KCNG4: variants seen among roughly 807,000 people sequenced by gnomAD.
KCNG4 encodes the protein potassium voltage-gated channel modifier subfamily G member 4, also known as voltage-gated potassium channel regulatory subunit KCNG4.
Under a neutral mutation model 28.2 loss-of-function variants are expected in KCNG4, and 30 were observed. The observed-to-expected ratio is 1.06, with a 90% CI of 0.80 to 1.44. The LOEUF is 1.44. Ranked by LOEUF, KCNG4 falls within the 40% of genes most tolerant of loss-of-function variation. KCNG4 has a pLI of 0.00. For missense variants in KCNG4, 879 were observed against 712.3 expected (o/e 1.23, Z -2.66); for synonymous variants, 375 against 315.5 (o/e 1.19, Z -2.00).
At chr16:84,229,547 G>A (rs1176070846) in intron 2 of KCNG4, among the ~76,000 whole-genome samples, 1 of 152,220 alleles carries the variant, frequency 6.6e-6, no homozygotes, top group South Asian at 2.1e-4. Flanking sequence ...CCATCCCATC[G>A]CCTCTGTGCT....
Position 84,238,431 on chromosome 16 carries a change from G to A in KCNG4, c.-40-906C>T, listed in dbSNP as rs188479384. Among the ~76,000 whole-genome samples the A allele has an allele frequency of 5.3e-5, 8 of 152,338 alleles. No homozygotes were observed. The East Asian group carries it at 1.3e-3, about 26-fold the overall frequency. Reference sequence around the variant, plus strand: ...CCTCTTGGTCGCTTCCCCATTTGGGGAGGCCTTTGCTAAGGGGACGGAGGA... The same window carrying A: ...CCTCTTGGTCGCTTCCCCATTTGGGAAGGCCTTTGCTAAGGGGACGGAGGA... On this transcript the variant is annotated intron_variant, in intron 1 of 2. Transcript: ENST00000308251.
intron 2 of KCNG4, 103 bp from the exon 3 acceptor site, chr16:84,223,123 A>C: frequency 1.0e-6 from 1 of 953,076 alleles, no homozygotes; most frequent in Non-Finnish European, 1.5e-6. Context: ...CTGTAAACTT[A>C]GTCGTCCACC....
chr16:84,222,095 A>C lies in KCNG4; in HGVS notation c.*122T>G. On this transcript the variant is annotated 3_prime_UTR_variant, in exon 3 of 3. Coordinates refer to ENST00000308251, the MANE Select transcript of KCNG4 (RefSeq NM_172347.3). ...AGCCTCTGTGGCCTTATGCCCCTCC[A>C]GCTTTGAAAGTCTTCCCTGGGCTCT... is the stretch of plus-strand genomic sequence containing the variant. 9.1e-7 allele frequency: 1 copy of C among 1,095,198 alleles called. No individual in the cohort carries two copies. The allele number at this position is 1,095,198 out of a possible 1,614,324, so 67.8% of individuals were successfully genotyped here. A position where few individuals can be genotyped will look rare whatever the true frequency, so the allele number is the denominator to read the frequency against.
intron 2 of KCNG4, among the ~76,000 whole-genome samples, chr16:84,234,559 T>C (rs538942619): frequency 7.2e-5 from 11 of 152,304 alleles, no homozygotes; most frequent in African/African-American, 1.4e-4. Context: ...TATGAGAAGG[T>C]AGAAAAACAG....
intron 2 of KCNG4, among the ~76,000 whole-genome samples, chr16:84,224,339 T>C (rs1355479231): frequency 6.6e-6 from 1 of 151,840 alleles, no homozygotes; most frequent in Admixed American, 6.6e-5. Flanking sequence ...ACAGTAGAAT[T>C]TTCCAGAACC....
Position 84,222,715 on chromosome 16 carries a change from C to G in KCNG4, c.1062G>C (p.Ser354=). 1.2e-6 allele frequency: 2 copies of G among 1,613,050 alleles called. No homozygotes were observed. The highest frequency in any genetic ancestry group is 2.2e-5 in the South Asian group (2 of 90,980). ...TGAGCCCCAGCGTCTGCAGCCCCAG[C>G]GAGTGGCGAGCCAGGCGCATCACGT... ...ILYVMRLARH[S]LGLQTLGLTV... is the part of the protein sequence containing the mutation. The change falls in exon 3 of 3, where the codon TCG becomes TCC. Residue 354 remains serine (S), a synonymous_variant. Coordinates refer to ENST00000308251, the MANE Select transcript of KCNG4 (RefSeq NM_172347.3).
rs756621988 is a variant in KCNG4, at chr16:84,222,187, G to T, written c.*30C>A. The T allele has an allele frequency of 6.2e-7, 1 of 1,606,976 alleles. No homozygotes were observed. Among genetic ancestry groups the T allele is most frequent in the Non-Finnish European group, 8.5e-7 (1 of 1,174,860 alleles). On this transcript the variant is annotated 3_prime_UTR_variant, in exon 3 of 3. Coordinates refer to ENST00000308251, the MANE Select transcript of KCNG4 (RefSeq NM_172347.3). The stretch of plus-strand genomic sequence containing the variant: ...TGTTTCAGGCAGGGTGATGGGTTGA[G>T]GTTACCATGTAGTCATGGGGGGTGC...
At chr16:84,236,563 T>C in intron 2 of KCNG4, 167 bp downstream of exon 2, 1 of 889,236 alleles carries the variant, frequency 1.1e-6, no homozygotes, top group South Asian at 2.0e-5. Flanking sequence ...GATGGAAAAT[T>C]ATCTTTTATG....
chr16:84,237,748 G>A (rs533890121), intron 1 of KCNG4, among the ~76,000 whole-genome samples: 5 of 152,138 alleles, frequency 3.3e-5, no homozygotes, highest in African/African-American at 9.7e-5. Flanking sequence ...AACCTCTACC[G>A]ACATCTCAGA....
intron 2 of KCNG4, among the ~76,000 whole-genome samples, chr16:84,228,346 C>T (rs989093367): frequency 6.6e-5 from 10 of 152,180 alleles, no homozygotes; most frequent in African/African-American, 1.2e-4. Flanking sequence ...TTCTGCAGCT[C>T]GGCATCCCTC....
rs1006598540 is a variant in KCNG4, at chr16:84,221,875, G to T, written c.*342C>A. On this transcript the variant is annotated 3_prime_UTR_variant, in exon 3 of 3. Transcript: ENST00000308251. Reference sequence around the variant, plus strand: ...AGTATGCAAATACCAATGGTTACCAGTTCTATGGGCATCCAGAACCCAGCC... The same window carrying T: ...AGTATGCAAATACCAATGGTTACCATTTCTATGGGCATCCAGAACCCAGCC... 4 of 313,586 alleles carry T rather than the reference G, an allele frequency of 1.3e-5. No homozygotes were observed. In the South Asian group the frequency reaches 1.6e-4, roughly 13 times the overall value. 19.4% of individuals were successfully genotyped at this position (313,586 alleles called of 1,614,324 possible).
chr16:84,236,356 C>A, intron 2 of KCNG4: 1 of 355,240 alleles, frequency 2.8e-6, no homozygotes, highest in East Asian at 4.7e-5. Flanking sequence ...TGATGTTACC[C>A]ATTTCACGGA....
At chr16:84,233,950 A>C (rs1904882601) in intron 2 of KCNG4, among the ~76,000 whole-genome samples, 1 of 152,082 alleles carries the variant, frequency 6.6e-6, no homozygotes, top group African/African-American at 2.4e-5. Flanking sequence ...TCATCTGTAA[A>C]ATGGGGGTAG....
intron 1 of KCNG4, among the ~76,000 whole-genome samples, chr16:84,239,430 T>C (rs1490805387): frequency 6.6e-6 from 1 of 152,212 alleles, no homozygotes; most frequent in Non-Finnish European, 1.5e-5. Flanking sequence ...CCCAGCACTC[T>C]GTCCCCCAGC....
At position 84,237,086 on chromosome 16, in the gene KCNG4, G is replaced by GCAC; in HGVS notation, c.397_399dup (p.Val133dup). ...GACAGCGCGCACATCTCCTGCAGAA[G>GCAC]CACCAGCTTCCCGGCCGCCAGGAAG... On this transcript the variant is annotated inframe_insertion, in exon 2 of 3. Transcript: ENST00000308251. 6.2e-7 allele frequency: 1 copy of GCAC among 1,614,136 alleles called. No homozygotes were observed. Among genetic ancestry groups the GCAC allele is most frequent in the East Asian group, 2.2e-5 (1 of 44,886 alleles).
chr16:84,230,055 A>G (rs1042542337), intron 2 of KCNG4, among the ~76,000 whole-genome samples: 1 of 151,770 alleles, frequency 6.6e-6, no homozygotes, highest in Non-Finnish European at 1.5e-5. Context: ...GCACCCCAAA[A>G]GGTGAGCTGC....
At position 84,237,361 on chromosome 16, in the gene KCNG4, C is replaced by A; in HGVS notation, c.125G>T (p.Arg42Leu). The A allele has an allele frequency of 1.9e-6, 3 of 1,555,180 alleles. No homozygotes were observed. Among genetic ancestry groups the A allele is most frequent in the Non-Finnish European group, 1.7e-6 (2 of 1,152,192 alleles). Residue 42 changes from arginine to leucine, a missense_variant, in exon 2 of 3, where the codon CGG becomes CTG. Physicochemically the swap from Arg to Leu is moderately radical, Grantham distance 102. Coordinates refer to ENST00000308251, the MANE Select transcript of KCNG4 (RefSeq NM_172347.3). ...CAGGGCACCCACCTTCCGCACCCTC[C>A]GGTAGTAAAGGCCCTTGATGGACGG... The part of the protein sequence containing the change: ...ETPSIKGLYY[R>L]RVRKVGALDA...
rs773189287 is a variant in KCNG4 at position 84,226,104 on chromosome 16, G to T, written c.757-3084C>A. Among the ~76,000 whole-genome samples the T allele has an allele frequency of 3.9e-5, 6 of 152,374 alleles. No individual in the cohort carries two copies. Among genetic ancestry groups the T allele is most frequent in the Middle Eastern group, 3.4e-3 (1 of 294 alleles). On this transcript the variant is annotated intron_variant, in intron 2 of 2. Transcript: ENST00000308251. The surrounding 1 kb of genome is among the most constrained non-coding windows in gnomAD (Gnocchi z 4.1). ...GGCCCTGGGCACACCGGGATGGTTG[G>T]TCACCCTATTCCTAGCCCTTGCCAC...
chr16:84,222,163 G>A lies in KCNG4; in HGVS notation c.*54C>T, dbSNP rs12920249. The A allele has an allele frequency of 0.076, 119,602 of 1,570,542 alleles. 4,877 individuals are homozygous for A. The highest frequency in any genetic ancestry group is 0.099 in the East Asian group (4,393 of 44,512). On this transcript the variant is annotated 3_prime_UTR_variant, in exon 3 of 3. Transcript: ENST00000308251. ...GTCTATGCGGGGTACCCTTGAGTGT[G>A]TTTCAGGCAGGGTGATGGGTTGAGG...
Sources: gnomAD v4.1 joint callset for allele counts (sites outside exome capture counted in the v4.1 genomes callset) on GRCh38, gnomAD v4.1.1 for gene constraint, Gnocchi (gnomAD v3.1) non-coding constraint, MANE v1.5 for transcripts, NCBI Gene and HGNC (gene_info 2026-07-23, HGNC 2026-07-21) for gene names.